The following SPIDR variants were observed in gnomAD, a reference collection of about 807,000 sequenced individuals.
SPIDR encodes the protein DNA repair-scaffolding protein.
SPIDR carries 93 observed loss-of-function variants against 104.6 expected under a neutral mutation model. That is an observed-to-expected ratio of 0.89 (90% CI 0.75 to 1.06). SPIDR has a LOEUF of 1.06. SPIDR is among the 50% of genes least tolerant of loss of function. The pLI is 0.00. For synonymous variants in SPIDR, 431 were observed against 416.9 expected (o/e 1.03, Z -0.41); for missense variants, 1,154 against 1,111.2 (o/e 1.04, Z -0.55).
intron 5 of SPIDR, among the ~76,000 whole-genome samples, chr8:47,301,422 T>A (rs954025729): frequency 6.6e-5 from 10 of 152,376 alleles, no homozygotes; most frequent in South Asian, 2.1e-4. Flanking sequence ...TGTCTTTTTA[T>A]TGGAGCATTT....
intron 8 of SPIDR, among the ~76,000 whole-genome samples, chr8:47,531,585 T>A (rs945025862): frequency 6.6e-6 from 1 of 152,250 alleles, no homozygotes; most frequent in African/African-American, 2.4e-5. Context: ...AAGGAGCCTG[T>A]TGAGGTCTGT....
chr8:47,531,745 A>G (rs1272692684), intron 8 of SPIDR, among the ~76,000 whole-genome samples: 1 of 152,244 alleles, frequency 6.6e-6, no homozygotes, highest in East Asian at 1.9e-4. Context: ...TTCTCAGGAC[A>G]ACATTACTAG....
chr8:47,611,273 GA>G (rs1442447566), intron 10 of SPIDR, among the ~76,000 whole-genome samples: 1 of 152,188 alleles, frequency 6.6e-6, no homozygotes, highest in African/African-American at 2.4e-5. Flanking sequence ...TCAGATAGAG[GA>G]TGAGACACTG....
At chr8:47,556,937 TCC>T (rs1023495794) in intron 8 of SPIDR, among the ~76,000 whole-genome samples, 6 of 152,070 alleles carry the variant, frequency 3.9e-5, no homozygotes, top group Non-Finnish European at 7.4e-5. Context: ...TGTTTTTATG[TCC>T]CCACTTTGCT....
At chr8:47,269,806 C>A (rs1307723661) in intron 1 of SPIDR, among the ~76,000 whole-genome samples, 1 of 152,084 alleles carries the variant, frequency 6.6e-6, no homozygotes, top group African/African-American at 2.4e-5. Context: ...TTTGTATATA[C>A]ATTTTTATCA....
chr8:47,472,430 G>A (rs1301830396), intron 8 of SPIDR, among the ~76,000 whole-genome samples: 1 of 152,242 alleles, frequency 6.6e-6, no homozygotes, highest in Non-Finnish European at 1.5e-5. Context: ...CGTTCCAGGA[G>A]AGTGTTCTGG....
chr8:47,277,866 G>T lies in SPIDR; in HGVS notation c.34-1996G>T, dbSNP rs904502530. On this transcript the variant is annotated intron_variant, in intron 1 of 19. Transcript: ENST00000297423. ...ATTTTTTGCATTTTTGGTAGAGATA[G>T]GTTTTCACCATGTTGGTCAGGCTGG... Among the ~76,000 whole-genome samples the T allele has an allele frequency of 4.0e-5, 6 of 151,768 alleles. No individual in the cohort carries two copies. The East Asian group carries it at 1.2e-3, about 30-fold the overall frequency.
At chr8:47,285,251 A>G (rs1377071989) in intron 3 of SPIDR, among the ~76,000 whole-genome samples, 2 of 152,238 alleles carry the variant, frequency 1.3e-5, no homozygotes, top group African/African-American at 2.4e-5. Context: ...ATTCTAAACC[A>G]TGTTACTATT....
intron 6 of SPIDR, 88 bp from the exon 7 acceptor site, chr8:47,407,773 C>A (rs1361491061): frequency 3.0e-6 from 2 of 669,864 alleles, no homozygotes. Context: ...CTGTTTGTCT[C>A]TGGTTGGGGG....
chr8:47,574,390 T>C (rs933571989), intron 8 of SPIDR, among the ~76,000 whole-genome samples: 10 of 152,310 alleles, frequency 6.6e-5, no homozygotes, highest in Admixed American at 5.9e-4. Context: ...ATATAATCTG[T>C]TCTTATCTTG....
chr8:47,487,415 A>G (rs1409178940), intron 8 of SPIDR, among the ~76,000 whole-genome samples: 2 of 152,202 alleles, frequency 1.3e-5, no homozygotes, highest in African/African-American at 4.8e-5. Context: ...GGGAGACTTT[A>G]ACACCCCACT....
chr8:47,418,163 G>A (rs2064717925), intron 7 of SPIDR, among the ~76,000 whole-genome samples: 1 of 152,184 alleles, frequency 6.6e-6, no homozygotes. Flanking sequence ...TGTGATGAAA[G>A]TCATTGGTAG....
At chr8:47,553,948 T>C (rs964358008) in intron 8 of SPIDR, among the ~76,000 whole-genome samples, 1 of 152,212 alleles carries the variant, frequency 6.6e-6, no homozygotes, top group Non-Finnish European at 1.5e-5. Flanking sequence ...GTCCTTCCTG[T>C]TTGTTTGTTT....
At chr8:47,282,941 C>T (rs1291773977) in intron 2 of SPIDR, among the ~76,000 whole-genome samples, 6 of 151,966 alleles carry the variant, frequency 3.9e-5, no homozygotes, top group Non-Finnish European at 8.8e-5. Context: ...CTGCAACCTC[C>T]ACCTCCCAGG....
chr8:47,629,104 A>G (rs948137948), intron 10 of SPIDR, among the ~76,000 whole-genome samples: 4 of 152,210 alleles, frequency 2.6e-5, no homozygotes, highest in Non-Finnish European at 5.9e-5. Context: ...TAGATGACTT[A>G]AGGAAAAGTT....
intron 5 of SPIDR, among the ~76,000 whole-genome samples, chr8:47,380,189 C>T (rs1301876909): frequency 6.6e-6 from 1 of 151,864 alleles, no homozygotes; most frequent in East Asian, 1.9e-4. Context: ...ACCTCTCAGC[C>T]TGCACCACAG....
At chr8:47,303,773 T>G (rs1165028959) in intron 5 of SPIDR, among the ~76,000 whole-genome samples, 6 of 152,206 alleles carry the variant, frequency 3.9e-5, no homozygotes, top group Admixed American at 3.3e-4. Context: ...TATTGGTGAT[T>G]TTTGCATCCT....
rs1428702081 is a variant in SPIDR, at chr8:47,364,407, G to A, written c.526-31969G>A. On this transcript the variant is annotated intron_variant, in intron 5 of 19. Coordinates refer to ENST00000297423, the MANE Select transcript of SPIDR (RefSeq NM_001080394.4). ...CGTGTTGGCCTAATTTGGGTCAAAA[G>A]TAATCAAAAGAACCCTGGCTCTTGT... Among the ~76,000 whole-genome samples, 8 of 152,328 alleles carry A rather than the reference G, an allele frequency of 5.3e-5. No individual in the cohort carries two copies. The East Asian group carries it at 1.4e-3, about 26-fold the overall frequency.
chr8:47,636,902 C>T (rs1050158183), intron 10 of SPIDR, among the ~76,000 whole-genome samples: 1 of 151,706 alleles, frequency 6.6e-6, no homozygotes, highest in Admixed American at 6.6e-5. Context: ...TCATGCCTGT[C>T]GTGAGAGTAC....
Sources: allele counts gnomAD v4.1 joint callset (sites outside exome capture counted in the v4.1 genomes callset), GRCh38; gene constraint gnomAD v4.1.1; transcripts MANE v1.5; gene names NCBI Gene and HGNC (gene_info 2026-07-23, HGNC 2026-07-21).